GINS3: variants seen among roughly 807,000 people sequenced by gnomAD.
GINS3 encodes the protein DNA replication complex GINS protein PSF3.
Under a neutral mutation model 20.0 loss-of-function variants are expected in GINS3, and 18 were observed. That is an observed-to-expected ratio of 0.90 (90% CI 0.62 to 1.33). The LOEUF is 1.33. Among genes scored for constraint, GINS3 ranks in the 40% most tolerant of loss-of-function variants. The probability of loss-of-function intolerance (pLI) is 0.00; values close to 1 mark genes in which losing one functional copy is unlikely to be tolerated. For synonymous variants in GINS3, 109 were observed against 107.0 expected (o/e 1.02, Z -0.12); for missense variants, 254 against 273.6 (o/e 0.93, Z 0.51).
intron 1 of GINS3, chr16:58,395,075 AATTTT>A: frequency 5.8e-6 from 3 of 517,844 alleles, no homozygotes; most frequent in Non-Finnish European, 3.3e-6. Context: ...CATTTTATCT[AATTTT>A]TTTTTTTTTT....
chr16:58,404,694 T>G lies in GINS3; in HGVS notation c.616T>G (p.Tyr206Asp). Residue 206 changes from tyrosine (Y) to aspartate (D), a missense_variant, in exon 3 of 3, where the codon TAC (tyrosine) becomes GAC (aspartate). Transcript: ENST00000318129. ...CACAGCTTCCAACCTCGTTCAGAAT[T>G]ACAAGAAGAGAAAATTCACTGATAT... ...QITASNLVQN[Y>D]KKRKFTDMED 6.2e-7 allele frequency: 1 copy of G among 1,614,022 alleles called. No individual in the cohort carries two copies. The highest frequency in any genetic ancestry group is 1.3e-5 in the African/African-American group (1 of 75,018).
At chr16:58,398,466 G>T (rs553604978) in intron 1 of GINS3, among the ~76,000 whole-genome samples, 1 of 151,938 alleles carries the variant, frequency 6.6e-6, no homozygotes, top group Non-Finnish European at 1.5e-5. Flanking sequence ...TAAAAAAGCC[G>T]AGCATGGTAG....
intron 2 of GINS3, 178 bp from the exon 3 acceptor site, chr16:58,404,321 A>G (rs1965997727): frequency 3.3e-6 from 2 of 603,932 alleles, no homozygotes; most frequent in Non-Finnish European, 6.0e-6. Context: ...AGATGAGGAA[A>G]TTGAGGCATG....
At chr16:58,403,030 C>G in intron 1 of GINS3, 68 bp from the exon 2 acceptor site, 1 of 1,305,714 alleles carries the variant, frequency 7.7e-7, no homozygotes, top group Non-Finnish European at 1.1e-6. Context: ...ATGTGTATTT[C>G]CTTTTCGTCA....
intron 1 of GINS3, 183 bp from the exon 2 acceptor site, chr16:58,402,915 T>C (rs1365799635): frequency 3.4e-6 from 2 of 591,806 alleles, no homozygotes; most frequent in Admixed American, 6.1e-5. Context: ...CATTCCATCA[T>C]CACATAAAAC....
intron 1 of GINS3, among the ~76,000 whole-genome samples, chr16:58,401,003 C>T (rs1320651478): frequency 3.3e-5 from 5 of 151,810 alleles, no homozygotes; most frequent in Non-Finnish European, 5.9e-5. Flanking sequence ...TTAGTAGAAA[C>T]GGGGTTTCAC....
rs1180778937 is a variant in GINS3 at position 58,405,953 on chromosome 16, G to T, written c.*1224G>T. 6.6e-6 allele frequency: 1 copy of T among 152,168 alleles called. No individual in the cohort carries two copies. The highest frequency in any genetic ancestry group is 1.9e-4 in the East Asian group (1 of 5,200). 9.4% of individuals were successfully genotyped at this position (152,168 alleles called of 1,614,324 possible). ...GATGCAAACTTAGAACCACAGAAAT[G>T]CTTTTAAAATGCCTGTTTTAAGATG... On this transcript the variant is annotated 3_prime_UTR_variant, in exon 3 of 3. Coordinates refer to ENST00000318129, the MANE Select transcript of GINS3 (RefSeq NM_022770.4).
At chr16:58,396,735 C>T (rs1455174163) in intron 1 of GINS3, among the ~76,000 whole-genome samples, 7 of 133,998 alleles carry the variant, frequency 5.2e-5, no homozygotes, top group Non-Finnish European at 9.6e-5. Flanking sequence ...ACCTCCCTCC[C>T]GGACGGGGCG....
intron 1 of GINS3, among the ~76,000 whole-genome samples, chr16:58,400,651 A>T (rs1965942054): frequency 6.6e-6 from 1 of 152,138 alleles, no homozygotes; most frequent in Admixed American, 6.5e-5. Context: ...TTTCCTGCAT[A>T]CTTTCTCTAT....
At chr16:58,404,306 T>C in intron 2 of GINS3, 193 bp from the exon 3 acceptor site, 1 of 593,672 alleles carries the variant, frequency 1.7e-6, no homozygotes, top group Admixed American at 3.1e-5. Context: ...AACAATCCAC[T>C]TCACAGATGA....
chr16:58,395,008 A>G, intron 1 of GINS3: 1 of 469,164 alleles, frequency 2.1e-6, no homozygotes, highest in Non-Finnish European at 3.8e-6. Context: ...GATTATTCAG[A>G]CTTGATTTCT....
At chr16:58,396,931 G>T (rs949141322) in intron 1 of GINS3, among the ~76,000 whole-genome samples, 4 of 150,024 alleles carry the variant, frequency 2.7e-5, no homozygotes, top group African/African-American at 9.8e-5. Flanking sequence ...GGCTGGCCGG[G>T]CAGAGGTGCT....
rs2151496516 is a variant in GINS3, at chr16:58,405,600, A to G, written c.*871A>G. ...GCTGACTATGAAGGGCCCTGTTTTC[A>G]AAATCTAACATTGCAAGTGTAAATG... On this transcript the variant is annotated 3_prime_UTR_variant, in exon 3 of 3. Coordinates refer to ENST00000318129, the MANE Select transcript of GINS3 (RefSeq NM_022770.4). The G allele has an allele frequency of 6.6e-6, 1 of 152,330 alleles. No individual in the cohort carries two copies. The highest frequency in any genetic ancestry group is 2.4e-5 in the African/African-American group (1 of 41,578). The allele number at this position is 152,330 out of a possible 1,614,324, so 9.4% of individuals were successfully genotyped here. A position where few individuals can be genotyped will look rare whatever the true frequency, so the allele number is the denominator to read the frequency against.
At chr16:58,402,288 G>T (rs749987287) in intron 1 of GINS3, among the ~76,000 whole-genome samples, 2 of 151,986 alleles carry the variant, frequency 1.3e-5, no homozygotes, top group Admixed American at 1.3e-4. Flanking sequence ...TCTGCTATTC[G>T]GTGTCAAATA....
chr16:58,396,926 G>T (rs1965880212), intron 1 of GINS3, among the ~76,000 whole-genome samples: 1 of 150,034 alleles, frequency 6.7e-6, no homozygotes, highest in African/African-American at 2.5e-5. Context: ...GGGGCGGCTG[G>T]CCGGGCAGAG....
Position 58,392,566 on chromosome 16 carries a change from C to A in GINS3, c.-36C>A. ...CCTAACTCCTGAGGCTCCTCCGAAT[C>A]ACGCGAGTGGAAGCGGAGAAGCTCA... is the stretch of plus-strand genomic sequence containing the variant. On this transcript the variant is annotated 5_prime_UTR_variant, in exon 1 of 3. Transcript: ENST00000318129. 1 of 1,608,814 alleles carries A rather than the reference C, an allele frequency of 6.2e-7. No homozygotes were observed. The highest frequency in any genetic ancestry group is 1.1e-5 in the South Asian group (1 of 90,508).
At chr16:58,398,743 T>C (rs770759970) in intron 1 of GINS3, among the ~76,000 whole-genome samples, 1 of 152,258 alleles carries the variant, frequency 6.6e-6, no homozygotes, top group South Asian at 2.1e-4. Flanking sequence ...TTCAAACATT[T>C]TGAGATTTGG....
At position 58,403,279 on chromosome 16, in the gene GINS3, T is replaced by G. The variant is rs1315650972; in HGVS notation, c.368T>G (p.Leu123Arg). The change falls in exon 2 of 3, where the codon CTC (leucine) becomes CGC (arginine). Residue 123 changes from leucine to arginine, a missense_variant. Physicochemically the swap from Leu to Arg is moderately radical, Grantham distance 102. Coordinates refer to ENST00000318129, the MANE Select transcript of GINS3 (RefSeq NM_022770.4). ...GPHFYGFGSQ[L>R]LHFDSPENAD... ...CATTTCTACGGGTTTGGCTCCCAGC[T>G]CCTGCATTTTGACAGTCCCGAGAAT... 1.2e-6 allele frequency: 2 copies of G among 1,614,130 alleles called. No homozygotes were observed. The highest frequency in any genetic ancestry group is 1.7e-6 in the Non-Finnish European group (2 of 1,180,034).
In GINS3 at chr16:58,404,927, C is replaced by T. The variant is rs1966009618; in HGVS notation, c.*198C>T. The T allele has an allele frequency of 3.5e-6, 2 of 578,856 alleles. No individual in the cohort carries two copies. The highest frequency in any genetic ancestry group is 1.9e-5 in the African/African-American group (1 of 53,496). The allele number at this position is 578,856 out of a possible 1,614,324, so 35.9% of individuals were successfully genotyped here. ...CTCTGTGAGTCTTCCAGGACCGTCC[C>T]ACCCTGCTGACCCACAGCCCAGGCC... On this transcript the variant is annotated 3_prime_UTR_variant, in exon 3 of 3. Transcript: ENST00000318129.
Sources: allele counts gnomAD v4.1 joint callset (sites outside exome capture counted in the v4.1 genomes callset), GRCh38; gene constraint gnomAD v4.1.1; transcripts MANE v1.5; gene names NCBI Gene and HGNC (gene_info 2026-07-23, HGNC 2026-07-21).